ZNF229: variants seen among roughly 807,000 people sequenced by gnomAD.
The protein encoded by ZNF229 is zinc finger protein 229.
Under a neutral mutation model 11.8 loss-of-function variants are expected in ZNF229, and 10 were observed. That is an observed-to-expected ratio of 0.85 (90% CI 0.52 to 1.44). The LOEUF is 1.44. Among genes scored for constraint, ZNF229 ranks in the 40% most tolerant of loss-of-function variants. The pLI, the probability that ZNF229 is intolerant of heterozygous loss-of-function variation, is 0.00. For missense variants in ZNF229, 1,045 were observed against 1,015.1 expected (o/e 1.03, Z -0.40); for synonymous variants, 368 against 374.8 (o/e 0.98, Z 0.21).
At position 44,429,497 on chromosome 19, in the gene ZNF229, T is replaced by A. The variant is rs910099589; in HGVS notation, c.1284A>T (p.Thr428=). Reference sequence around the variant, plus strand: ...CGCTGCAGGTGTAGGGCTTCTCCCCTGTGTGCAGCCTCTGATGGACTTGAA... The same window carrying A: ...CGCTGCAGGTGTAGGGCTTCTCCCCAGTGTGCAGCCTCTGATGGACTTGAA... The part of the protein sequence containing the change: ...SVLQVHQRLH[T]GEKPYTCSEC... Residue 428 remains threonine, a synonymous_variant, in exon 6 of 6, where the codon ACA becomes ACT. Transcript: ENST00000614049. 6.2e-7 allele frequency: 1 copy of A among 1,611,854 alleles called. No homozygotes were observed. Among genetic ancestry groups the A allele is most frequent in the African/African-American group, 1.3e-5 (1 of 74,750 alleles).
intron 2 of ZNF229, among the ~76,000 whole-genome samples, chr19:44,444,051 T>A (rs926313352): frequency 3.9e-5 from 6 of 151,980 alleles, no homozygotes; most frequent in African/African-American, 1.5e-4. Context: ...AATAATTGAG[T>A]CTTCTTTTTC....
intron 2 of ZNF229, 23 bp downstream of exon 2, chr19:44,447,488 CAA>C (rs924539246): frequency 6.6e-6 from 1 of 152,144 alleles, no homozygotes; most frequent in African/African-American, 2.4e-5. Flanking sequence ...GGCATTGCCA[CAA>C]AAGAGAACCA....
intron 2 of ZNF229, among the ~76,000 whole-genome samples, chr19:44,445,120 T>C (rs1443917109): frequency 6.6e-6 from 1 of 152,224 alleles, no homozygotes; most frequent in East Asian, 1.9e-4. Context: ...ATTCTAGTCA[T>C]CCTTGATTTC....
intron 3 of ZNF229, 32 bp downstream of exon 3, chr19:44,442,782 T>TACC: frequency 3.2e-6 from 5 of 1,545,192 alleles, no homozygotes; most frequent in South Asian, 1.1e-5. Flanking sequence ...GTTTGGATTC[T>TACC]CCCCCCACCC....
Position 44,428,895 on chromosome 19 carries a change from T to A in ZNF229, c.1886A>T (p.Lys629Ile). 6.2e-7 allele frequency: 1 copy of A among 1,611,300 alleles called. No homozygotes were observed. The highest frequency in any genetic ancestry group is 8.5e-7 in the Non-Finnish European group (1 of 1,179,234). Reference sequence around the variant, plus strand: ...GAAGCCTTTGCCACACTCAGCACATTTATAGGGTTTCTCTCCAGTGTGGAC... The same window carrying A: ...GAAGCCTTTGCCACACTCAGCACATATATAGGGTTTCTCTCCAGTGTGGAC... ...QRVHTGEKPY[K>I]CAECGKGFSY... Residue 629 changes from lysine (K) to isoleucine (I), a missense_variant, in exon 6 of 6, where the codon AAA (lysine) becomes ATA (isoleucine). By Grantham distance (102) the Lys-to-Ile change is moderately radical (BLOSUM62 -3). Coordinates refer to ENST00000614049, the MANE Select transcript of ZNF229 (RefSeq NM_014518.4).
chr19:44,435,643 A>G (rs924394761), intron 4 of ZNF229, among the ~76,000 whole-genome samples: 1 of 152,248 alleles, frequency 6.6e-6, no homozygotes, highest in Non-Finnish European at 1.5e-5. Context: ...GCAGGTTTTC[A>G]GTAGAAACCA....
At chr19:44,430,594 G>A (rs1219184396) in intron 5 of ZNF229, 52 bp from the exon 6 acceptor site, 2 of 1,508,346 alleles carry the variant, frequency 1.3e-6, no homozygotes, top group African/African-American at 2.8e-5. Flanking sequence ...GACTGGCTCA[G>A]GGACATCAGA....
Position 44,442,772 on chromosome 19 carries a change from G to T in ZNF229, c.34+42C>A, listed in dbSNP as rs1404115571. The T allele has an allele frequency of 4.4e-6, 7 of 1,607,948 alleles. No homozygotes were observed. The East Asian group carries it at 1.1e-4, about 26-fold the overall frequency. On this transcript the variant is annotated intron_variant, in intron 3 of 5. Coordinates refer to ENST00000614049, the MANE Select transcript of ZNF229 (RefSeq NM_014518.4). ...TCCAACTTTTTCTCCTCCACACTCA[G>T]TTTGGATTCTCCCCCCACCCACCCC...
At chr19:44,438,617 G>A (rs1971854346) in intron 4 of ZNF229, among the ~76,000 whole-genome samples, 1 of 152,158 alleles carries the variant, frequency 6.6e-6, no homozygotes, top group South Asian at 2.1e-4. Context: ...TCAGGATGGG[G>A]CTGCTTACTG....
Position 44,429,771 on chromosome 19 carries a change from C to T in ZNF229, c.1010G>A (p.Arg337His), listed in dbSNP as rs1971676329. ...GRGVRQNTHI[R>H]NHPRAPVGDM... The stretch of plus-strand genomic sequence containing the variant: ...TCCCACAGGGGCTCTGGGGTGGTTA[C>T]GTATGTGCGTGTTCTGTCTGACGCC... The change falls in exon 6 of 6, where the codon CGT becomes CAT. Residue 337 changes from arginine (R) to histidine (H), a missense_variant. Physicochemically the swap from Arg to His is conservative, Grantham distance 29. Transcript: ENST00000614049. 3.1e-6 allele frequency: 5 copies of T among 1,614,076 alleles called. No homozygotes were observed. The highest frequency in any genetic ancestry group is 2.2e-5 in the East Asian group (1 of 44,874).
rs1971899385 is a variant in ZNF229, at chr19:44,440,994, A to G, written c.93+1569T>C. 1.3e-5 allele frequency among the ~76,000 whole-genome samples: 2 copies of G among 152,130 alleles called. 1 individual carries two copies. The highest frequency in any genetic ancestry group is 4.1e-4 in the South Asian group (2 of 4,834). On this transcript the variant is annotated intron_variant, in intron 4 of 5. Transcript: ENST00000614049. Reference sequence around the variant, plus strand: ...CATGCCTCAGCTTCCCAAAGTGCTAAGATTACGAGCCACTGCACCTGGCCC... The same window carrying G: ...CATGCCTCAGCTTCCCAAAGTGCTAGGATTACGAGCCACTGCACCTGGCCC...
chr19:44,429,622 C>A lies in ZNF229; in HGVS notation c.1159G>T (p.Gly387Cys). 1 of 1,613,896 alleles carries A rather than the reference C, an allele frequency of 6.2e-7. No homozygotes were observed. Among genetic ancestry groups the A allele is most frequent in the African/African-American group, 1.3e-5 (1 of 74,902 alleles). The change falls in exon 6 of 6, where the codon GGT (glycine) becomes TGT (cysteine). Residue 387 changes from glycine to cysteine, a missense_variant. Transcript: ENST00000614049. ...YKCEECGKAF[G>C]RSSNLLVHQR... ...TGGACAAGCAGGTTTGAACTTCGAC[C>A]AAATGCCTTCCCACACTCCTCACAT...
rs981263284 is a variant in ZNF229, at chr19:44,427,740, A to T, written c.*563T>A. Reference sequence around the variant, plus strand: ...TGCAAGATAAAACAGTCATAAAAACATGATAAAAATGTGAGACACACACAT... The same window carrying T: ...TGCAAGATAAAACAGTCATAAAAACTTGATAAAAATGTGAGACACACACAT... On this transcript the variant is annotated 3_prime_UTR_variant, in exon 6 of 6. Transcript: ENST00000614049. The T allele has an allele frequency of 3.9e-5, 6 of 152,820 alleles. No individual in the cohort carries two copies. The highest frequency in any genetic ancestry group is 1.4e-4 in the African/African-American group (6 of 41,422). The allele number at this position is 152,820 out of a possible 1,614,324, so 9.5% of individuals were successfully genotyped here.
At chr19:44,431,970 G>A (rs2123348949) in intron 5 of ZNF229, 3 of 697,622 alleles carry the variant, frequency 4.3e-6, no homozygotes, top group Non-Finnish European at 5.9e-6. Flanking sequence ...GCTACGTGAG[G>A]ACACAAAAGG....
At chr19:44,436,061 T>C (rs1379094171) in intron 4 of ZNF229, among the ~76,000 whole-genome samples, 1 of 152,010 alleles carries the variant, frequency 6.6e-6, no homozygotes, top group Admixed American at 6.5e-5. Flanking sequence ...AACATAGCAA[T>C]GGATCAAGTA....
Position 44,430,556 on chromosome 19 carries a change from G to A in ZNF229, c.239-14C>T. 6.3e-7 allele frequency: 1 copy of A among 1,598,560 alleles called. No homozygotes were observed. Among genetic ancestry groups the A allele is most frequent in the Non-Finnish European group, 8.5e-7 (1 of 1,171,626 alleles). ...CATTCTTGTCTCCTATGAGGTTAAA[G>A]ACAATTCAGAGATGAGAACTAGTAA... On this transcript the variant is annotated splice_polypyrimidine_tract_variant and intron_variant, in intron 5 of 5. Transcript: ENST00000614049.
At position 44,429,027 on chromosome 19, in the gene ZNF229, G is replaced by A; in HGVS notation, c.1754C>T (p.Ser585Leu). The change falls in exon 6 of 6, where the codon TCA becomes TTA. Residue 585 changes from serine (S) to leucine (L), a missense_variant. Transcript: ENST00000614049. ...SECGKGFRRN[S>L]DLHSHQRVHT... is the part of the protein sequence containing the mutation. ...GACCCTCTGGTGGCTGTGAAGGTCT[G>A]AATTCCGCCGGAAGCCCTTCCCACA... is the stretch of plus-strand genomic sequence containing the variant. 2 of 1,613,768 alleles carry A rather than the reference G, an allele frequency of 1.2e-6. No individual in the cohort carries two copies. The highest frequency in any genetic ancestry group is 1.7e-6 in the Non-Finnish European group (2 of 1,179,914).
At chr19:44,435,435 GC>G in intron 4 of ZNF229, among the ~76,000 whole-genome samples, 1 of 152,300 alleles carries the variant, frequency 6.6e-6, no homozygotes, top group South Asian at 2.1e-4. Flanking sequence ...GAAACCAGGT[GC>G]AAGCTTCCAA....
rs555009576 is a variant in ZNF229, at chr19:44,428,028, A to T, written c.*275T>A. The stretch of plus-strand genomic sequence containing the variant: ...AAAGCTCCCTCCCAGGCAGATTCTG[A>T]TGGAAGTGAGGATTATTACTGAAAC... On this transcript the variant is annotated 3_prime_UTR_variant, in exon 6 of 6. Transcript: ENST00000614049. 2.3e-5 allele frequency: 8 copies of T among 345,404 alleles called. No individual in the cohort carries two copies. The South Asian group carries it at 5.8e-4, about 25-fold the overall frequency. The allele number at this position is 345,404 out of a possible 1,614,324, so 21.4% of individuals were successfully genotyped here.
Sources: gnomAD v4.1 joint callset for allele counts (sites outside exome capture counted in the v4.1 genomes callset) on GRCh38, gnomAD v4.1.1 for gene constraint, MANE v1.5 for transcripts, NCBI Gene and HGNC (gene_info 2026-07-23, HGNC 2026-07-21) for gene names.